UPRT: variants seen among roughly 807,000 people sequenced by gnomAD.
The protein encoded by UPRT is RP11-311P8.3.
UPRT carries 5 observed loss-of-function variants against 22.6 expected under a neutral mutation model. The observed-to-expected ratio is 0.22, with a 90% confidence interval of 0.12 to 0.47. The LOEUF is 0.47. Among genes scored for constraint, UPRT ranks in the 20% least tolerant of loss-of-function variants. The probability of loss-of-function intolerance (pLI) is 0.99; values close to 1 mark genes in which losing one functional copy is unlikely to be tolerated. For missense variants in UPRT, 181 were observed against 239.9 expected (o/e 0.75, Z 1.62); for synonymous variants, 77 against 87.7 (o/e 0.88, Z 0.68).
At position 75,183,454 on chromosome X, in the gene UPRT, G is replaced by A. The variant is rs192024544; in HGVS notation, c.-447+15575G>A. On this transcript the variant is annotated intron_variant, in intron 4 of 13. Transcript: ENST00000652605. Reference sequence around the variant, plus strand: ...ACATATGGGTTGGTTCCAAGTCTTCGCTATTGTGAATAGTGCCGCAGTAAA... The same window carrying A: ...ACATATGGGTTGGTTCCAAGTCTTCACTATTGTGAATAGTGCCGCAGTAAA... Among the ~76,000 whole-genome samples, 21 of 111,722 alleles carry A rather than the reference G, an allele frequency of 1.9e-4. No individual in the cohort carries two copies. The East Asian group carries it at 3.9e-3, about 21-fold the overall frequency.
At chrX:75,209,675 G>A (rs950542537) in intron 4 of UPRT, among the ~76,000 whole-genome samples, 1 of 112,487 alleles carries the variant, frequency 8.9e-6, no homozygotes, top group African/African-American at 3.2e-5. Context: ...TCCTGGCCCA[G>A]TGTTTCTTGA....
At position 75,216,411 on chromosome X, in the gene UPRT, A is replaced by G. The variant is rs2082392975; in HGVS notation, c.-447+48532A>G. Among the ~76,000 whole-genome samples the G allele has an allele frequency of 2.7e-5, 3 of 112,527 alleles. No homozygotes were observed. In the South Asian group the frequency reaches 1.1e-3, roughly 41 times the overall value. ...ATGCACAGTTAACATCATACTTACC[A>G]GTGAGAAACAAGAACTTTTCCCTGT... On this transcript the variant is annotated intron_variant, in intron 4 of 13. Transcript: ENST00000652605.
At chrX:75,275,312 T>C (rs962945717) in intron 1 of UPRT, among the ~76,000 whole-genome samples, 1 of 112,346 alleles carries the variant, frequency 8.9e-6, no homozygotes, top group Non-Finnish European at 1.9e-5. Flanking sequence ...TGTTAAAATG[T>C]AATTTTGAAA....
At chrX:75,293,759 A>G (rs760391735) in intron 2 of UPRT, among the ~76,000 whole-genome samples, 1 of 111,576 alleles carries the variant, frequency 9.0e-6, no homozygotes, top group Non-Finnish European at 1.9e-5. Flanking sequence ...CTACCTCTCA[A>G]ATGGATCTTG....
chrX:75,221,150 C>T (rs2082409079), intron 4 of UPRT, among the ~76,000 whole-genome samples: 1 of 111,036 alleles, frequency 9.0e-6, no homozygotes, highest in African/African-American at 3.3e-5. Flanking sequence ...TCTCTCCTCG[C>T]CTGTAAGATT....
chrX:75,174,389 T>C (rs2082240035), intron 4 of UPRT, among the ~76,000 whole-genome samples: 1 of 111,498 alleles, frequency 9.0e-6, no homozygotes, highest in African/African-American at 3.3e-5. Context: ...CATCTGTAGC[T>C]TGATGGCCTC....
chrX:75,274,078 G>A, upstream of UPRT: 1 of 645,922 alleles, frequency 1.5e-6, no homozygotes, highest in Admixed American at 4.1e-5. Context: ...GTGGGCGGGA[G>A]TGAGCCAAAG....
intron 4 of UPRT, among the ~76,000 whole-genome samples, chrX:75,208,651 C>A (rs1314973284): frequency 9.0e-6 from 1 of 111,217 alleles, no homozygotes; most frequent in African/African-American, 3.3e-5. Flanking sequence ...GTGGTAAGAC[C>A]CATCTGTCTT....
At chrX:75,213,861 T>A (rs6647662) in intron 4 of UPRT, among the ~76,000 whole-genome samples, 14,334 of 111,733 alleles carry the variant, frequency 0.13, 1,557 homozygotes, top group East Asian at 0.91. Flanking sequence ...AGGGAATAGA[T>A]ACATTCACTA....
Position 75,262,880 on chromosome X carries a change from A to G in UPRT, c.-446-28144A>G, listed in dbSNP as rs1262748838. 1.6e-4 allele frequency among the ~76,000 whole-genome samples: 18 copies of G among 111,632 alleles called. No homozygotes were observed. In the Admixed American group the frequency reaches 1.7e-3, roughly 11 times the overall value. ...GGGAGACTTTAACATGCCACTGTCA[A>G]TATTTGACAGATCAATGAGACAGAA... On this transcript the variant is annotated intron_variant, in intron 4 of 13. Coordinates refer to the UPRT transcript ENST00000652605.
chrX:75,291,860 T>G (rs933159332), intron 1 of UPRT, among the ~76,000 whole-genome samples: 1 of 111,235 alleles, frequency 9.0e-6, no homozygotes, highest in South Asian at 3.8e-4. Context: ...GTGTGTACCT[T>G]TTTTGGAATA....
At chrX:75,203,871 C>T (rs1439777944) in intron 4 of UPRT, among the ~76,000 whole-genome samples, 1 of 111,566 alleles carries the variant, frequency 9.0e-6, no homozygotes. Context: ...GGTGGGGGGA[C>T]TTACAAAATG....
chrX:75,188,911 C>G (rs950334126), intron 4 of UPRT, among the ~76,000 whole-genome samples: 3 of 111,871 alleles, frequency 2.7e-5, no homozygotes, highest in African/African-American at 6.5e-5. Flanking sequence ...CCTGCGCCTA[C>G]TGTCTGGCAC....
intron 4 of UPRT, among the ~76,000 whole-genome samples, chrX:75,247,116 G>T (rs2082509413): frequency 1.8e-5 from 2 of 110,923 alleles, no homozygotes; most frequent in Non-Finnish European, 3.8e-5. Flanking sequence ...AGAATGGCTG[G>T]GTGGCTTAAG....
chrX:75,199,744 A>AT (rs1012750804), intron 4 of UPRT, among the ~76,000 whole-genome samples: 8 of 110,721 alleles, frequency 7.2e-5, no homozygotes, highest in African/African-American at 1.6e-4. Context: ...TTTAAAAAAA[A>AT]TTTTTTTTTA....
chrX:75,269,201 G>T (rs773432457), upstream of UPRT, among the ~76,000 whole-genome samples: 2 of 111,449 alleles, frequency 1.8e-5, no homozygotes, highest in African/African-American at 6.5e-5. Flanking sequence ...CTTACAAGGG[G>T]TGTGAAGGAC....
At chrX:75,175,504 G>C (rs1267553407) in intron 4 of UPRT, among the ~76,000 whole-genome samples, 1 of 111,866 alleles carries the variant, frequency 8.9e-6, no homozygotes, top group Admixed American at 9.5e-5. Flanking sequence ...GTGTCCAGGA[G>C]GAAGTCAATT....
intron 4 of UPRT, among the ~76,000 whole-genome samples, chrX:75,256,821 A>G (rs1235602049): frequency 9.0e-6 from 1 of 111,657 alleles, no homozygotes; most frequent in Non-Finnish European, 1.9e-5. Flanking sequence ...TGAATCAGGA[A>G]GAATTAGATA....
At chrX:75,258,664 G>A (rs982100426) in intron 4 of UPRT, among the ~76,000 whole-genome samples, 2 of 111,963 alleles carry the variant, frequency 1.8e-5, no homozygotes, top group African/African-American at 6.5e-5. Context: ...CTGGGACAGA[G>A]CACCTCAGGG....
Sources: allele counts gnomAD v4.1 joint callset (sites outside exome capture counted in the v4.1 genomes callset), GRCh38; gene constraint gnomAD v4.1.1; transcripts MANE v1.5; gene names NCBI Gene and HGNC (gene_info 2026-07-23, HGNC 2026-07-21).